CTNNA1: variants seen among roughly 807,000 people sequenced by gnomAD.
CTNNA1 encodes catenin alpha-1.
Under a neutral mutation model 98.4 loss-of-function variants are expected in CTNNA1, and 37 were observed. That is an observed-to-expected ratio of 0.38 (90% CI 0.29 to 0.49). CTNNA1 has a LOEUF of 0.49. Among genes scored for constraint, CTNNA1 ranks in the 20% least tolerant of loss-of-function variants. CTNNA1 has a pLI of 0.95. For missense variants in CTNNA1, 761 were observed against 1,147.2 expected (o/e 0.66, Z 4.86); for synonymous variants, 404 against 413.2 (o/e 0.98, Z 0.27).
At chr5:138,788,826 C>G (rs780006819) in intron 3 of CTNNA1, among the ~76,000 whole-genome samples, 2 of 152,130 alleles carry the variant, frequency 1.3e-5, no homozygotes, top group African/African-American at 4.8e-5. Context: ...GGAACAGCTT[C>G]TTACTAGAAC....
At chr5:138,853,940 T>C (rs1161051489) in intron 7 of CTNNA1, among the ~76,000 whole-genome samples, 1 of 152,226 alleles carries the variant, frequency 6.6e-6, no homozygotes, top group Non-Finnish European at 1.5e-5. Flanking sequence ...AAAATTCTTT[T>C]CACATAGACC....
chr5:138,812,051 C>G (rs1404208062), intron 4 of CTNNA1, 132 bp from the exon 5 acceptor site: 1 of 707,754 alleles, frequency 1.4e-6, no homozygotes, highest in Non-Finnish European at 2.4e-6. Flanking sequence ...GAAGACCATG[C>G]GCAAACTCGA....
intron 7 of CTNNA1, among the ~76,000 whole-genome samples, chr5:138,840,613 C>T (rs1292384361): frequency 6.6e-6 from 1 of 151,858 alleles, no homozygotes; most frequent in African/African-American, 2.4e-5. Context: ...TAAATGTAGC[C>T]AATTAATAGT....
intron 3 of CTNNA1, among the ~76,000 whole-genome samples, chr5:138,800,167 T>C (rs992643983): frequency 6.6e-6 from 1 of 152,136 alleles, no homozygotes; most frequent in East Asian, 1.9e-4. Context: ...AGAAAATCCA[T>C]GAAGCTGTAG....
At chr5:138,845,496 G>C (rs1762630390) in intron 7 of CTNNA1, among the ~76,000 whole-genome samples, 1 of 152,336 alleles carries the variant, frequency 6.6e-6, no homozygotes, top group South Asian at 2.1e-4. Flanking sequence ...GGTGGTTACT[G>C]TTTGTCACGT....
intron 5 of CTNNA1, among the ~76,000 whole-genome samples, chr5:138,814,040 T>C (rs1488533267): frequency 2.0e-5 from 3 of 152,190 alleles, no homozygotes; most frequent in Non-Finnish European, 2.9e-5. Flanking sequence ...ATAAATAATA[T>C]ATGTACAGTG....
In CTNNA1 at chr5:138,851,099, C is replaced by T. The variant is rs28363430; in HGVS notation, c.1062+23381C>T. ...ATAGAAAACATGCAGTGTAATGTCA[C>T]CCATGATATATTCCTGGGAAGTTGA... On this transcript the variant is annotated intron_variant, in intron 7 of 17. Transcript: ENST00000302763. Among the ~76,000 whole-genome samples the T allele has an allele frequency of 4.5e-4, 68 of 152,288 alleles. 1 individual carries two copies. The highest frequency in any genetic ancestry group is 6.8e-3 in the Middle Eastern group (2 of 294).
At chr5:138,810,503 G>C (rs1280564795) in intron 4 of CTNNA1, among the ~76,000 whole-genome samples, 1 of 152,174 alleles carries the variant, frequency 6.6e-6, no homozygotes, top group Non-Finnish European at 1.5e-5. Context: ...TTCTGGAGTT[G>C]AGAAACCAAG....
At chr5:138,891,231 A>G (rs1755278942) in intron 9 of CTNNA1, 1 of 152,220 alleles carries the variant, frequency 6.6e-6, no homozygotes, top group Non-Finnish European at 1.5e-5. Context: ...CCTTTCTCAT[A>G]GAATCATAGG....
intron 1 of CTNNA1, among the ~76,000 whole-genome samples, chr5:138,780,822 C>T (rs1561518848): frequency 6.6e-6 from 1 of 152,140 alleles, no homozygotes; most frequent in African/African-American, 2.4e-5. Flanking sequence ...AGCCTTTAAG[C>T]TTTTAAATGT....
At chr5:138,920,375 A>G (rs573819946) in intron 11 of CTNNA1, among the ~76,000 whole-genome samples, 1 of 152,344 alleles carries the variant, frequency 6.6e-6, no homozygotes, top group African/African-American at 2.4e-5. Context: ...AGTCACGGGC[A>G]GTATTTAGAT....
At chr5:138,832,548 A>T (rs1040043409) in intron 7 of CTNNA1, among the ~76,000 whole-genome samples, 1 of 152,246 alleles carries the variant, frequency 6.6e-6, no homozygotes, top group Non-Finnish European at 1.5e-5. Flanking sequence ...AATTAAAATG[A>T]AATGTAATTA....
At chr5:138,765,028 C>T (rs1752776651) in intron 1 of CTNNA1, among the ~76,000 whole-genome samples, 1 of 151,772 alleles carries the variant, frequency 6.6e-6, no homozygotes, top group South Asian at 2.1e-4. Context: ...TGCCTGCCAC[C>T]ATGCCCAGCT....
chr5:138,910,965 G>A (rs931945393), intron 10 of CTNNA1, among the ~76,000 whole-genome samples: 1 of 152,178 alleles, frequency 6.6e-6, no homozygotes, highest in East Asian at 1.9e-4. Context: ...TCGGCCATGC[G>A]CAGTGCCTTA....
chr5:138,933,891 C>T lies in CTNNA1; in HGVS notation c.2523C>T (p.Thr841=), dbSNP rs772912136. The T allele has an allele frequency of 5.6e-6, 9 of 1,614,184 alleles. No individual in the cohort carries two copies. The highest frequency in any genetic ancestry group is 3.3e-5 in the South Asian group (3 of 91,080). ...QTVKASYVAS[T]KYQKSQGMAS... ...TGAAGGCATCCTACGTCGCCTCTACCAAATACCAAAAGTCACAGGGTATGG... is the reference window on the plus strand; with the variant it reads ...TGAAGGCATCCTACGTCGCCTCTACTAAATACCAAAAGTCACAGGGTATGG... The change falls in exon 18 of 18, where the codon ACC becomes ACT. Residue 841 remains threonine (T), a synonymous_variant. Transcript: ENST00000302763.
chr5:138,772,512 C>CT (rs1424010562), intron 1 of CTNNA1, among the ~76,000 whole-genome samples: 3 of 152,300 alleles, frequency 2.0e-5, no homozygotes, highest in African/African-American at 7.2e-5. Context: ...GAAGATACGA[C>CT]TAAGATTAAG....
intron 5 of CTNNA1, among the ~76,000 whole-genome samples, chr5:138,814,430 A>G (rs12517514): frequency 0.69 from 105,410 of 152,072 alleles, 36,672 homozygotes; most frequent in East Asian, 0.93. Context: ...CATATAAATT[A>G]TAAGTATCTT....
intron 3 of CTNNA1, among the ~76,000 whole-genome samples, chr5:138,804,439 C>G (rs1757881342): frequency 6.6e-6 from 1 of 152,152 alleles, no homozygotes; most frequent in Non-Finnish European, 1.5e-5. Context: ...AGAAAGAAAC[C>G]TAGTTTTACC....
intron 7 of CTNNA1, among the ~76,000 whole-genome samples, chr5:138,865,915 G>A (rs1764708555): frequency 2.0e-5 from 3 of 152,288 alleles, no homozygotes; most frequent in African/African-American, 7.2e-5. Flanking sequence ...CTGAGCAGTT[G>A]CCCTCCATGT....
Sources: allele counts gnomAD v4.1 joint callset (sites outside exome capture counted in the v4.1 genomes callset), GRCh38; gene constraint gnomAD v4.1.1; transcripts MANE v1.5; gene names NCBI Gene and HGNC (gene_info 2026-07-23, HGNC 2026-07-21).